CRTAC1: variants seen among roughly 807,000 people sequenced by gnomAD.
The protein encoded by CRTAC1 is acidic secreted protein in cartilage.
In CRTAC1, 37 loss-of-function variants were observed where a neutral mutation model predicts 67.8. That is an observed-to-expected ratio of 0.55 (90% confidence interval 0.42 to 0.72). The LOEUF (loss-of-function observed/expected upper bound fraction) is 0.72, where lower values mean the gene tolerates loss of function less well. Among genes scored for constraint, CRTAC1 ranks in the 30% least tolerant of loss-of-function variants. CRTAC1 has a pLI of 0.00. For synonymous variants in CRTAC1, 348 were observed against 371.0 expected (o/e 0.94, Z 0.71); for missense variants, 780 against 931.6 (o/e 0.84, Z 2.12).
chr10:98,025,395 G>C (rs531451780), intron 1 of CRTAC1, among the ~76,000 whole-genome samples: 1 of 152,228 alleles, frequency 6.6e-6, no homozygotes, highest in East Asian at 1.9e-4. Flanking sequence ...CAAATATCTG[G>C]GAGGGGGAAC....
At chr10:98,003,227 A>G (rs772460436) in intron 2 of CRTAC1, among the ~76,000 whole-genome samples, 1 of 152,218 alleles carries the variant, frequency 6.6e-6, no homozygotes, top group Non-Finnish European at 1.5e-5. Context: ...TCTCTGAAAA[A>G]TGACACCAAG....
chr10:97,900,606 G>A (rs1012210933), intron 8 of CRTAC1, among the ~76,000 whole-genome samples: 8 of 132,570 alleles, frequency 6.0e-5, no homozygotes, highest in Middle Eastern at 3.9e-3. Context: ...ATTGGACCCC[G>A]TAGCCCCTTT....
chr10:97,877,657 A>C (rs2050163306), intron 14 of CRTAC1, among the ~76,000 whole-genome samples: 1 of 152,246 alleles, frequency 6.6e-6, no homozygotes, highest in Admixed American at 6.5e-5. Flanking sequence ...GAATGAATCA[A>C]ATGGAAGCCT....
At chr10:97,901,456 A>T in intron 8 of CRTAC1, 47 bp downstream of exon 8, 1 of 1,612,360 alleles carries the variant, frequency 6.2e-7, no homozygotes. Flanking sequence ...CGTTCCTCCC[A>T]CCAGCTGTCA....
intron 4 of CRTAC1, 107 bp downstream of exon 4, chr10:97,923,157 C>T (rs1205545126): frequency 7.4e-7 from 1 of 1,347,254 alleles, no homozygotes; most frequent in Non-Finnish European, 1.0e-6. Flanking sequence ...CCAATCTATC[C>T]AAGACACCGC....
chr10:97,996,869 TATGGCA>T (rs1842582893), intron 2 of CRTAC1, among the ~76,000 whole-genome samples: 2 of 151,876 alleles, frequency 1.3e-5, no homozygotes, highest in African/African-American at 4.8e-5. Context: ...ATTAAGAAAA[TATGGCA>T]CATATACACC....
rs1306176355 is a variant in CRTAC1 at position 97,984,167 on chromosome 10, C to CA, written c.224+26970dup. Among the ~76,000 whole-genome samples the CA allele has an allele frequency of 5.9e-5, 9 of 152,316 alleles. No individual in the cohort carries two copies. In the East Asian group the frequency reaches 1.7e-3, roughly 29 times the overall value. On this transcript the variant is annotated intron_variant, in intron 2 of 14. Transcript: ENST00000370597. Reference sequence around the variant, plus strand: ...ATGTCTGAGGGGTGGGGCAGGGTCTCAGACTGCATGTAGAGAATTTTCCAA... The same window carrying CA: ...ATGTCTGAGGGGTGGGGCAGGGTCTCAAGACTGCATGTAGAGAATTTTCCAA...
At chr10:97,922,819 A>T (rs2050859592) in intron 4 of CRTAC1, among the ~76,000 whole-genome samples, 1 of 152,194 alleles carries the variant, frequency 6.6e-6, no homozygotes, top group Non-Finnish European at 1.5e-5. Context: ...TTGTGCCTTC[A>T]TTTATTCCGT....
rs112281048 is a variant in CRTAC1 at position 97,960,092 on chromosome 10, G to A, written c.225-23726C>T. 8.4e-3 allele frequency among the ~76,000 whole-genome samples: 1,277 copies of A among 152,342 alleles called. 23 individuals carry two copies. Among genetic ancestry groups the A allele is most frequent in the African/African-American group, 0.029 (1,221 of 41,582 alleles). ...TGGATAAACAGTTTAGGTACAGTGA[G>A]CCCCTGGCATCAGTTCTGGGGATGG... is the stretch of plus-strand genomic sequence containing the variant. On this transcript the variant is annotated intron_variant, in intron 2 of 14. Transcript: ENST00000370597.
Position 98,029,601 on chromosome 10 carries a change from G to A in CRTAC1, c.24+848C>T, listed in dbSNP as rs1157300511. 6.6e-6 allele frequency among the ~76,000 whole-genome samples: 1 copy of A among 152,134 alleles called. No individual in the cohort carries two copies. The highest frequency in any genetic ancestry group is 1.9e-4 in the East Asian group (1 of 5,182). On this transcript the variant is annotated intron_variant, in intron 1 of 14. Transcript: ENST00000370597. The surrounding 1 kb of genome is among the most constrained non-coding windows in gnomAD (Gnocchi z 4.7). ...CTCTCAACCCTAGGAGAATTTCCCCGCCACTCTGGGAGGCTTCCATCCAGG... is the reference window on the plus strand; with the variant it reads ...CTCTCAACCCTAGGAGAATTTCCCCACCACTCTGGGAGGCTTCCATCCAGG...
chr10:97,897,498 C>A (rs186657364), intron 8 of CRTAC1, among the ~76,000 whole-genome samples: 1 of 152,328 alleles, frequency 6.6e-6, no homozygotes, highest in African/African-American at 2.4e-5. Flanking sequence ...AGAATGTGAG[C>A]TCTCTGCAGG....
chr10:97,986,407 G>A (rs1590265670), intron 2 of CRTAC1, among the ~76,000 whole-genome samples: 1 of 152,154 alleles, frequency 6.6e-6, no homozygotes, highest in South Asian at 2.1e-4. Context: ...CCCTTCCTTC[G>A]TGAGATGTCA....
At chr10:97,996,627 C>T (rs949123771) in intron 2 of CRTAC1, among the ~76,000 whole-genome samples, 1 of 152,216 alleles carries the variant, frequency 6.6e-6, no homozygotes, top group African/African-American at 2.4e-5. Context: ...CACTTTTACA[C>T]TGTTGGTGGG....
chr10:97,948,771 G>A (rs2051304371), intron 2 of CRTAC1, among the ~76,000 whole-genome samples: 1 of 152,162 alleles, frequency 6.6e-6, no homozygotes, highest in Non-Finnish European at 1.5e-5. Context: ...ATTTACGAAG[G>A]AAAGAGGTTG....
chr10:97,962,812 C>A (rs529050180), intron 2 of CRTAC1, among the ~76,000 whole-genome samples: 1 of 150,816 alleles, frequency 6.6e-6, no homozygotes, highest in African/African-American at 2.4e-5. Context: ...ACACCCCGGG[C>A]ACTCTTTCAG....
chr10:97,946,727 A>T (rs1487169873), intron 2 of CRTAC1, among the ~76,000 whole-genome samples: 1 of 152,176 alleles, frequency 6.6e-6, no homozygotes, highest in Non-Finnish European at 1.5e-5. Context: ...CTCCTGATGG[A>T]AGACAACAAA....
At chr10:97,929,507 G>A (rs2050971456) in intron 3 of CRTAC1, among the ~76,000 whole-genome samples, 1 of 152,202 alleles carries the variant, frequency 6.6e-6, no homozygotes, top group Non-Finnish European at 1.5e-5. Flanking sequence ...GTAGAGAGAA[G>A]GGTGGGCAGG....
At chr10:97,937,620 C>A (rs1289934788) in intron 2 of CRTAC1, among the ~76,000 whole-genome samples, 1 of 152,216 alleles carries the variant, frequency 6.6e-6, no homozygotes, top group Non-Finnish European at 1.5e-5. Context: ...AAGCTCAGAG[C>A]TCATGTCTGA....
intron 2 of CRTAC1, among the ~76,000 whole-genome samples, chr10:97,997,466 A>AG (rs987520173): frequency 6.7e-6 from 1 of 148,602 alleles, no homozygotes; most frequent in Non-Finnish European, 1.5e-5. Context: ...AAAAAAAAAA[A>AG]AAAAAAAAAG....
Sources: allele counts gnomAD v4.1 joint callset (sites outside exome capture counted in the v4.1 genomes callset), GRCh38; gene constraint gnomAD v4.1.1; non-coding constraint Gnocchi (gnomAD v3.1); transcripts MANE v1.5; gene names NCBI Gene and HGNC (gene_info 2026-07-23, HGNC 2026-07-21).